Variants in KIAA0825 observed in about 807,000 individuals in gnomAD.
KIAA0825 encodes the protein uncharacterized protein KIAA0825.
Under a neutral mutation model 147.6 loss-of-function variants are expected in KIAA0825, and 119 were observed. The observed-to-expected ratio is 0.81, with a 90% CI of 0.69 to 0.94. The LOEUF (loss-of-function observed/expected upper bound fraction) is 0.94, where lower values mean the gene tolerates loss of function less well. Among genes scored for constraint, KIAA0825 ranks in the 40% least tolerant of loss-of-function variants. KIAA0825 has a pLI of 0.00. For synonymous variants in KIAA0825, 470 were observed against 518.1 expected, an observed-to-expected ratio of 0.91 and a Z score of 1.26; for missense variants, 1,381 against 1,472.7, an observed-to-expected ratio of 0.94 and a Z score of 1.02.
intron 20 of KIAA0825, among the ~76,000 whole-genome samples, chr5:94,170,478 A>G (rs998733327): frequency 5.9e-5 from 9 of 152,174 alleles, no homozygotes; most frequent in African/African-American, 2.2e-4. Flanking sequence ...CCATTCTTTT[A>G]TTCCTTTCCT....
intron 2 of KIAA0825, among the ~76,000 whole-genome samples, chr5:94,567,304 TG>T (rs1778878082): frequency 1.3e-5 from 2 of 152,220 alleles, no homozygotes; most frequent in African/African-American, 4.8e-5. Flanking sequence ...TTGAATGCTT[TG>T]ACTAAATATT....
At chr5:94,507,662 A>G (rs200366179) in intron 5 of KIAA0825, among the ~76,000 whole-genome samples, 2 of 152,062 alleles carry the variant, frequency 1.3e-5, no homozygotes, top group South Asian at 2.1e-4. Flanking sequence ...TGGTAATCCA[A>G]TGAAAAGTTC....
intron 20 of KIAA0825, among the ~76,000 whole-genome samples, chr5:94,165,376 T>G (rs947122640): frequency 1.3e-5 from 2 of 152,170 alleles, no homozygotes; most frequent in South Asian, 4.2e-4. Flanking sequence ...GGCGAGGATA[T>G]AGAGAAAAGG....
chr5:94,210,333 A>G (rs760282131), intron 20 of KIAA0825, among the ~76,000 whole-genome samples: 46 of 152,302 alleles, frequency 3.0e-4, no homozygotes, highest in Admixed American at 9.8e-4. Context: ...ATTCAAGGCT[A>G]GTGCACTTGC....
At chr5:94,267,365 G>A (rs1308097043) in intron 20 of KIAA0825, among the ~76,000 whole-genome samples, 1 of 151,872 alleles carries the variant, frequency 6.6e-6, no homozygotes. Context: ...ACTCTGTACT[G>A]GAGCATCACT....
intron 20 of KIAA0825, among the ~76,000 whole-genome samples, chr5:94,329,278 G>A (rs1562383357): frequency 6.6e-6 from 1 of 151,962 alleles, no homozygotes; most frequent in East Asian, 1.9e-4. Flanking sequence ...AGCATAATTG[G>A]TGTCCCTAAA....
intron 20 of KIAA0825, among the ~76,000 whole-genome samples, chr5:94,363,570 T>C (rs915376472): frequency 3.9e-5 from 6 of 152,178 alleles, no homozygotes; most frequent in African/African-American, 1.2e-4. Context: ...ATATATGTGA[T>C]TTAACATTGC....
chr5:94,565,094 C>CTTTTTTTTTTTTTTTTTTT (rs1285299381), intron 2 of KIAA0825, among the ~76,000 whole-genome samples: 2 of 51,908 alleles, frequency 3.9e-5, no homozygotes, highest in African/African-American at 9.4e-5. Flanking sequence ...TTCTTGCTTT[C>CTTTTTTTTTTTTTTTTTTT]CTTTTTTTTT....
intron 20 of KIAA0825, among the ~76,000 whole-genome samples, chr5:94,258,365 G>A (rs1451587834): frequency 6.6e-6 from 1 of 151,992 alleles, no homozygotes; most frequent in Non-Finnish European, 1.5e-5. Context: ...TAACCTGAAA[G>A]TGGGAGGTGA....
At chr5:94,227,977 T>G (rs569895121) in intron 20 of KIAA0825, among the ~76,000 whole-genome samples, 2 of 151,876 alleles carry the variant, frequency 1.3e-5, no homozygotes, top group African/African-American at 4.8e-5. Context: ...TAAAAAAAAA[T>G]TTTAAGTTTT....
Position 94,391,703 on chromosome 5 carries a change from A to C in KIAA0825, c.3297-9T>G. ...CTATTGTCATAAATGCACTAAATAC[A>C]AAGAAAGCATATACATATCAGTAGT... is the stretch of plus-strand genomic sequence containing the variant. On this transcript the variant is annotated splice_polypyrimidine_tract_variant and intron_variant, in intron 17 of 20. Transcript: ENST00000682413. 1.3e-6 allele frequency: 2 copies of C among 1,523,828 alleles called. No homozygotes were observed. The highest frequency in any genetic ancestry group is 1.8e-6 in the Non-Finnish European group (2 of 1,133,208). 94.4% of individuals were successfully genotyped at this position (1,523,828 alleles called of 1,614,324 possible).
Position 94,496,500 on chromosome 5 carries a change from A to C in KIAA0825, c.971-11570T>G, listed in dbSNP as rs544775642. Among the ~76,000 whole-genome samples the C allele has an allele frequency of 2.0e-5, 3 of 152,322 alleles. No homozygotes were observed. The South Asian group carries it at 6.2e-4, about 32-fold the overall frequency. ...TAGATTACTGACACACAAAGGCAGA[A>C]ACTGGTTAAAAAGCAGGGGGTGGGA... On this transcript the variant is annotated intron_variant, in intron 5 of 20. Transcript: ENST00000682413.
chr5:94,350,216 C>T (rs1047452452), intron 20 of KIAA0825, among the ~76,000 whole-genome samples: 2 of 152,090 alleles, frequency 1.3e-5, no homozygotes, highest in Non-Finnish European at 2.9e-5. Context: ...TACAACCCTC[C>T]TAGCTTAAAT....
intron 20 of KIAA0825, among the ~76,000 whole-genome samples, chr5:94,259,996 A>AT (rs1001332907): frequency 2.0e-5 from 3 of 152,024 alleles, no homozygotes; most frequent in Non-Finnish European, 2.9e-5. Flanking sequence ...TATAAGAATT[A>AT]TTTTTTCTGT....
At chr5:94,304,492 T>C (rs1387765964) in intron 20 of KIAA0825, among the ~76,000 whole-genome samples, 4 of 151,982 alleles carry the variant, frequency 2.6e-5, no homozygotes, top group African/African-American at 7.2e-5. Flanking sequence ...CTAATAAAAA[T>C]GTTCACAGAT....
chr5:94,246,245 A>G (rs1775604703), intron 20 of KIAA0825, among the ~76,000 whole-genome samples: 2 of 152,184 alleles, frequency 1.3e-5, no homozygotes, highest in African/African-American at 4.8e-5. Flanking sequence ...GGCAAAGTGA[A>G]CAAGAGCTTC....
chr5:94,280,720 C>T (rs1468055309), intron 20 of KIAA0825, among the ~76,000 whole-genome samples: 6 of 152,006 alleles, frequency 3.9e-5, no homozygotes, highest in Admixed American at 3.9e-4. Flanking sequence ...AGGTAAGGGG[C>T]ACACTTGGGT....
chr5:94,571,845 GATT>G (rs746752163), intron 2 of KIAA0825, among the ~76,000 whole-genome samples: 24 of 149,062 alleles, frequency 1.6e-4, no homozygotes, highest in Admixed American at 7.9e-4. Context: ...TGCTAAAAAG[GATT>G]ATTATAAAAT....
At chr5:94,542,730 C>T (rs951017259) in intron 2 of KIAA0825, among the ~76,000 whole-genome samples, 2 of 151,954 alleles carry the variant, frequency 1.3e-5, no homozygotes, top group Non-Finnish European at 2.9e-5. Context: ...TCACTTGAAC[C>T]TGGGAGGCAG....
Sources: gnomAD v4.1 joint callset for allele counts (sites outside exome capture counted in the v4.1 genomes callset) on GRCh38, gnomAD v4.1.1 for gene constraint, MANE v1.5 for transcripts, NCBI Gene and HGNC (gene_info 2026-07-23, HGNC 2026-07-21) for gene names.